Variants in DNAAF2 observed in about 807,000 individuals in gnomAD.
DNAAF2 encodes protein kintoun.
DNAAF2 carries 58 observed loss-of-function variants against 48.8 expected under a neutral mutation model. The ratio of observed to expected loss-of-function variants is 1.19; its 90% CI spans 0.96 to 1.48. DNAAF2 has a LOEUF of 1.48. Ranked by LOEUF, DNAAF2 falls within the 40% of genes most tolerant of loss-of-function variation. The probability of loss-of-function intolerance (pLI) is 0.00; values close to 1 mark genes in which losing one functional copy is unlikely to be tolerated. For missense variants in DNAAF2, 1,241 were observed against 1,116.1 expected (o/e 1.11, Z -1.59); for synonymous variants, 567 against 481.2 (o/e 1.18, Z -2.33).
intron 1 of DNAAF2, among the ~76,000 whole-genome samples, chr14:49,631,036 A>T (rs1424759577): frequency 6.6e-6 from 1 of 152,178 alleles, no homozygotes; most frequent in East Asian, 1.9e-4. Context: ...GGTGTGAGCC[A>T]CCACGCCTGG....
At chr14:49,632,358 CAT>C (rs1236709547) in intron 1 of DNAAF2, among the ~76,000 whole-genome samples, 1 of 152,148 alleles carries the variant, frequency 6.6e-6, no homozygotes, top group East Asian at 1.9e-4. Context: ...AAAAATTACA[CAT>C]GTAACTTCCT....
intron 1 of DNAAF2, among the ~76,000 whole-genome samples, chr14:49,632,888 A>G (rs933093788): frequency 6.6e-6 from 1 of 150,756 alleles, no homozygotes; most frequent in African/African-American, 2.4e-5. Flanking sequence ...GAGTTTAAAG[A>G]GTCTTCAGAA....
chr14:49,632,942 G>C (rs1373394807), intron 1 of DNAAF2, among the ~76,000 whole-genome samples: 2 of 150,250 alleles, frequency 1.3e-5, no homozygotes, highest in Non-Finnish European at 3.0e-5. Context: ...TTGTTTTTGA[G>C]ACGGAGTCTC....
At position 49,631,631 on chromosome 14, in the gene DNAAF2, A is replaced by G. The variant is rs1405129371; in HGVS notation, c.1863+1656T>C. 2.6e-5 allele frequency among the ~76,000 whole-genome samples: 4 copies of G among 152,260 alleles called. No individual in the cohort carries two copies. In the East Asian group the frequency reaches 7.7e-4, roughly 29 times the overall value. On this transcript the variant is annotated intron_variant, in intron 1 of 2. Coordinates refer to ENST00000298292, the MANE Select transcript of DNAAF2 (RefSeq NM_018139.3). ...GTGCAAGACTCCATCTCAAAAAACA[A>G]CCAGAAGATTTGCATAAACTTGCCT... is the stretch of plus-strand genomic sequence containing the variant.
rs767025542 is a variant in DNAAF2 at position 49,625,682 on chromosome 14, T to C, written c.2374A>G (p.Lys792Glu). The C allele has an allele frequency of 6.2e-7, 1 of 1,613,772 alleles. No homozygotes were observed. Among genetic ancestry groups the C allele is most frequent in the Admixed American group, 1.7e-5 (1 of 60,020 alleles). ...CCAGGTATATTGTGAACCGTAGTTTTGTTCAGTAATGAAGATAGGTGATCT... is the reference window on the plus strand; with the variant it reads ...CCAGGTATATTGTGAACCGTAGTTTCGTTCAGTAATGAAGATAGGTGATCT... ...DGDHLSSLLNKTTVHNIPGFD... is the reference protein window; with the variant it reads ...DGDHLSSLLNETTVHNIPGFD... The change falls in exon 3 of 3, where the codon AAA becomes GAA. Residue 792 changes from lysine (K) to glutamate (E), a missense_variant. Coordinates refer to ENST00000298292, the MANE Select transcript of DNAAF2 (RefSeq NM_018139.3).
At chr14:49,631,245 C>T (rs1883155474) in intron 1 of DNAAF2, among the ~76,000 whole-genome samples, 1 of 152,202 alleles carries the variant, frequency 6.6e-6, no homozygotes, top group South Asian at 2.1e-4. Context: ...AAGACATCAT[C>T]TTTGACTCCT....
In DNAAF2 at chr14:49,634,682, C is replaced by G; in HGVS notation, c.468G>C (p.Arg156=). 1 of 1,606,464 alleles carries G rather than the reference C, an allele frequency of 6.2e-7. No individual in the cohort carries two copies. The highest frequency in any genetic ancestry group is 8.5e-7 in the Non-Finnish European group (1 of 1,179,698). The change falls in exon 1 of 3, where the codon CGG becomes CGC. Residue 156 remains arginine (R), a synonymous_variant. Transcript: ENST00000298292. ...CCAGCATCTGGCGGAAGCCCTCGTGCCGCCGGGCCAGCGCAAGCGCGTCTG... is the reference window on the plus strand; with the variant it reads ...CCAGCATCTGGCGGAAGCCCTCGTGGCGCCGGGCCAGCGCAAGCGCGTCTG... ...FHPDALALAR[R]HEGFRQMLDA...
intron 2 of DNAAF2, among the ~76,000 whole-genome samples, chr14:49,627,247 T>A (rs1299123951): frequency 6.6e-6 from 1 of 152,252 alleles, no homozygotes; most frequent in Non-Finnish European, 1.5e-5. Context: ...TAAATTTTCT[T>A]GAATTCCTCT....
In DNAAF2 at chr14:49,634,123, C is replaced by T. The variant is rs1434134775; in HGVS notation, c.1027G>A (p.Val343Met). The T allele has an allele frequency of 3.9e-6, 6 of 1,558,154 alleles. No homozygotes were observed. The highest frequency in any genetic ancestry group is 3.5e-6 in the Non-Finnish European group (4 of 1,152,154). Residue 343 changes from valine to methionine, a missense_variant, in exon 1 of 3, where the codon GTG becomes ATG. Coordinates refer to ENST00000298292, the MANE Select transcript of DNAAF2 (RefSeq NM_018139.3). The part of the protein sequence containing the change: ...AQFNKARRQL[V>M]VTLPVVLPAA... ...GGCAGCACCACTGGCAGCGTAACCA[C>T]CAGCTGCCGCCGGGCCTTGTTGAAT...
intron 1 of DNAAF2, 90 bp from the exon 2 acceptor site, chr14:49,628,245 G>T: frequency 1.9e-6 from 2 of 1,072,878 alleles, no homozygotes; most frequent in Non-Finnish European, 2.7e-6. Flanking sequence ...TTCTCACATT[G>T]TTCAGGGTTA....
chr14:49,626,046 C>T lies in DNAAF2; in HGVS notation c.2010G>A (p.Leu670=). The change falls in exon 3 of 3, where the codon TTG becomes TTA. Residue 670 remains leucine (L), a splice_region_variant and synonymous_variant. Transcript: ENST00000298292. Reference sequence around the variant, plus strand: ...GCTGATCAGAGTTACTACATTCTTGCAACTGTGTCAAGAGAAACAACAAAT... The same window carrying T: ...GCTGATCAGAGTTACTACATTCTTGTAACTGTGTCAAGAGAAACAACAAAT... ...TDNKIQINAK[L]QECSNSDQLQ... 6.9e-7 allele frequency: 1 copy of T among 1,452,438 alleles called. No individual in the cohort carries two copies. The highest frequency in any genetic ancestry group is 9.1e-7 in the Non-Finnish European group (1 of 1,104,428). The allele number at this position is 1,452,438 out of a possible 1,614,324, so 90.0% of individuals were successfully genotyped here.
intron 1 of DNAAF2, among the ~76,000 whole-genome samples, chr14:49,630,234 CAAAT>C (rs55681110): frequency 3.5e-4 from 52 of 147,170 alleles, no homozygotes; most frequent in African/African-American, 1.2e-3. Flanking sequence ...CTCTGTCTCC[CAAAT>C]AAATAAATAA....
At position 49,633,648 on chromosome 14, in the gene DNAAF2, G is replaced by T. The variant is rs375822050; in HGVS notation, c.1502C>A (p.Thr501Lys). 2 of 1,612,554 alleles carry T rather than the reference G, an allele frequency of 1.2e-6. No homozygotes were observed. The highest frequency in any genetic ancestry group is 2.2e-5 in the East Asian group (1 of 44,870). Reference protein sequence around the residue: ...SVETREESEGTGGQRSACAMG... With the variant: ...SVETREESEGKGGQRSACAMG... ...GGCGCAGGCTGAGCGCTGGCCGCCC[G>T]TGCCCTCCGACTCCTCGCGTGTTTC... is the stretch of plus-strand genomic sequence containing the variant. Residue 501 changes from threonine to lysine, a missense_variant, in exon 1 of 3, where the codon ACG becomes AAG. Physicochemically the swap from Thr to Lys is moderately conservative, Grantham distance 78 (BLOSUM62 -1). Transcript: ENST00000298292.
chr14:49,634,988 C>A lies in DNAAF2; in HGVS notation c.162G>T (p.Ala54=). The change falls in exon 1 of 3, where the codon GCG becomes GCT. Residue 54 remains alanine (A), a synonymous_variant. Transcript: ENST00000298292. Reference sequence around the variant, plus strand: ...GCTCACGCTCTAGCGCGGTGATCTCCGCCTCGTAGCGCCGCCGGTTCTCCG... The same window carrying A: ...GCTCACGCTCTAGCGCGGTGATCTCAGCCTCGTAGCGCCGCCGGTTCTCCG... The part of the protein sequence containing the change: ...TDPENRRRYE[A]EITALERERG... 1 of 1,563,184 alleles carries A rather than the reference C, an allele frequency of 6.4e-7. No homozygotes were observed. The highest frequency in any genetic ancestry group is 2.4e-5 in the East Asian group (1 of 41,802).
At position 49,633,538 on chromosome 14, in the gene DNAAF2, T is replaced by C. The variant is rs531303883; in HGVS notation, c.1612A>G (p.Ile538Val). ...TGCGGCTGGATCCGAGGCACCTGAATGAGCAGAGTCAAGGTTTCTTTGTCC... is the reference window on the plus strand; with the variant it reads ...TGCGGCTGGATCCGAGGCACCTGAACGAGCAGAGTCAAGGTTTCTTTGTCC... ...NQDKETLTLL[I>V]QVPRIQPQSL... Residue 538 changes from isoleucine to valine, a missense_variant, in exon 1 of 3, where the codon ATT becomes GTT. Physicochemically the swap from Ile to Val is conservative, Grantham distance 29 (BLOSUM62 3). Coordinates refer to ENST00000298292, the MANE Select transcript of DNAAF2 (RefSeq NM_018139.3). 3 of 1,614,066 alleles carry C rather than the reference T, an allele frequency of 1.9e-6. No individual in the cohort carries two copies. Among genetic ancestry groups the C allele is most frequent in the Non-Finnish European group, 2.5e-6 (3 of 1,179,900 alleles).
chr14:49,633,533 C>G lies in DNAAF2; in HGVS notation c.1617G>C (p.Gln539His). 6.2e-7 allele frequency: 1 copy of G among 1,614,036 alleles called. No homozygotes were observed. Among genetic ancestry groups the G allele is most frequent in the Non-Finnish European group, 8.5e-7 (1 of 1,179,898 alleles). ...GACTTTGCGGCTGGATCCGAGGCAC[C>G]TGAATGAGCAGAGTCAAGGTTTCTT... ...QDKETLTLLIQVPRIQPQSLQ... is the reference protein window; with the variant it reads ...QDKETLTLLIHVPRIQPQSLQ... Residue 539 changes from glutamine to histidine, a missense_variant, in exon 1 of 3, where the codon CAG becomes CAC. Coordinates refer to ENST00000298292, the MANE Select transcript of DNAAF2 (RefSeq NM_018139.3).
At position 49,633,849 on chromosome 14, in the gene DNAAF2, T is replaced by C. The variant is rs1883240928; in HGVS notation, c.1301A>G (p.Lys434Arg). ...PAAAGEERVP[K>R]PGEQDLSRHA... ...CCTGCTCAAGTCCTGCTCCCCCGGCTTGGGGACACGCTCCTCTCCAGCTGC... is the reference window on the plus strand; with the variant it reads ...CCTGCTCAAGTCCTGCTCCCCCGGCCTGGGGACACGCTCCTCTCCAGCTGC... Residue 434 changes from lysine to arginine, a missense_variant, in exon 1 of 3, where the codon AAG becomes AGG. Lys to Arg is a conservative substitution (Grantham distance 26). Transcript: ENST00000298292. 6.4e-7 allele frequency: 1 copy of C among 1,558,996 alleles called. No individual in the cohort carries two copies.
At chr14:49,630,708 C>T (rs1317247552) in intron 1 of DNAAF2, among the ~76,000 whole-genome samples, 2 of 76,270 alleles carry the variant, frequency 2.6e-5, no homozygotes, top group African/African-American at 1.0e-4. Context: ...CACATAAACT[C>T]TCTACACACA....
Position 49,625,553 on chromosome 14 carries a change from C to A in DNAAF2, c.2503G>T (p.Asp835Tyr), listed in dbSNP as rs368195964. The A allele has an allele frequency of 1.3e-5, 20 of 1,587,576 alleles. No homozygotes were observed. The highest frequency in any genetic ancestry group is 6.7e-5 in the African/African-American group (5 of 74,084). The change falls in exon 3 of 3, where the codon GAT becomes TAT. Residue 835 changes from aspartate to tyrosine, a missense_variant. By Grantham distance (160) the Asp-to-Tyr change is radical (BLOSUM62 -3). Coordinates refer to ENST00000298292, the MANE Select transcript of DNAAF2 (RefSeq NM_018139.3). ...AFSFQNSLLY[D>Y]LD is the part of the protein sequence containing the mutation. Reference sequence around the variant, plus strand: ...AAAATTATATAGAATTAATCCAAATCATATAGCAAAGAATTCTGAAAACTG... The same window carrying A: ...AAAATTATATAGAATTAATCCAAATAATATAGCAAAGAATTCTGAAAACTG...
Sources: allele counts gnomAD v4.1 joint callset (sites outside exome capture counted in the v4.1 genomes callset), GRCh38; gene constraint gnomAD v4.1.1; transcripts MANE v1.5; gene names NCBI Gene and HGNC (gene_info 2026-07-23, HGNC 2026-07-21).